The following DLX6 variants were observed in gnomAD, a reference collection of about 807,000 sequenced individuals.
DLX6 encodes the protein homeobox protein DLX-6.
A neutral mutation model predicts 33.5 loss-of-function variants in DLX6; 4 were observed. That is an observed-to-expected ratio of 0.12 (90% confidence interval 0.06 to 0.27). DLX6 has a LOEUF of 0.27. Among genes scored for constraint, DLX6 ranks in the 10% least tolerant of loss-of-function variants. The pLI, the probability that DLX6 is intolerant of heterozygous loss-of-function variation, is 1.00. For missense variants in DLX6, 382 were observed against 393.3 expected, an observed-to-expected ratio of 0.97 and a Z score of 0.24; for synonymous variants, 184 against 164.8, an observed-to-expected ratio of 1.12 and a Z score of -0.89.
In DLX6 at chr7:97,011,001, GTCT is replaced by G. The variant is rs887308558; in HGVS notation, c.*959_*961del. The G allele has an allele frequency of 6.6e-6, 1 of 152,362 alleles. No individual in the cohort carries two copies. The highest frequency in any genetic ancestry group is 2.4e-5 in the African/African-American group (1 of 41,362). 9.4% of individuals were successfully genotyped at this position (152,362 alleles called of 1,614,324 possible). Reference sequence around the variant, plus strand: ...TTGTACATATACTTTGTATGTTTTTGTCTTCTTTCATATATGGAGTAAAAGCCA... The same window carrying G: ...TTGTACATATACTTTGTATGTTTTTGTCTTTCATATATGGAGTAAAAGCCA... On this transcript the variant is annotated 3_prime_UTR_variant, in exon 3 of 3. Transcript: ENST00000518156.
chr7:97,008,668 T>C (rs189146675), intron 2 of DLX6, among the ~76,000 whole-genome samples: 1 of 152,336 alleles, frequency 6.6e-6, no homozygotes, highest in East Asian at 1.9e-4. Flanking sequence ...TTTTGTTGAT[T>C]AATTTACCTA....
rs1419441049 is a variant in DLX6 at position 97,006,216 on chromosome 7, C to T, written c.239C>T (p.Ala80Val). 3 of 1,508,382 alleles carry T rather than the reference C, an allele frequency of 2.0e-6. No individual in the cohort carries two copies. The highest frequency in any genetic ancestry group is 2.9e-5 in the African/African-American group (2 of 70,096). The allele number at this position is 1,508,382 out of a possible 1,614,324, so 93.4% of individuals were successfully genotyped here. ...PLHCLHSAAA[A>V]AAAGSHHHHH... ...CACTGCCTGCACTCGGCGGCGGCGGCGGCAGCGGCCGGCTCGCACCACCAC... is the reference window on the plus strand; with the variant it reads ...CACTGCCTGCACTCGGCGGCGGCGGTGGCAGCGGCCGGCTCGCACCACCAC... The change falls in exon 1 of 3, where the codon GCG becomes GTG. Residue 80 changes from alanine (A) to valine (V), a missense_variant. Coordinates refer to ENST00000518156, the MANE Select transcript of DLX6 (RefSeq NM_005222.4).
At position 97,006,051 on chromosome 7, in the gene DLX6, G is replaced by GGCA. The variant is rs530625473; in HGVS notation, c.96_98dup (p.Gln44dup). On this transcript the variant is annotated inframe_insertion, in exon 1 of 3. Coordinates refer to ENST00000518156, the MANE Select transcript of DLX6 (RefSeq NM_005222.4). Reference sequence around the variant, plus strand: ...TCCAAATCCGCCTTCATGGAGTTCGGGCAGCAGCAGCAGCAGCAGCAGCAA... The same window carrying GGCA: ...TCCAAATCCGCCTTCATGGAGTTCGGGCAGCAGCAGCAGCAGCAGCAGCAGCAA... 1,587 of 1,582,026 alleles carry GGCA rather than the reference G, an allele frequency of 1.0e-3. 3 individuals carry two copies. Among genetic ancestry groups the GGCA allele is most frequent in the African/African-American group, 4.9e-3 (361 of 73,800 alleles).
In DLX6 at chr7:97,005,926, G is replaced by A; in HGVS notation, c.-52G>A. 1.4e-6 allele frequency: 2 copies of A among 1,479,522 alleles called. No homozygotes were observed. The highest frequency in any genetic ancestry group is 9.1e-7 in the Non-Finnish European group (1 of 1,103,558). 91.6% of individuals were successfully genotyped at this position (1,479,522 alleles called of 1,614,324 possible). On this transcript the variant is annotated 5_prime_UTR_variant, in exon 1 of 3. Coordinates refer to ENST00000518156, the MANE Select transcript of DLX6 (RefSeq NM_005222.4). Reference sequence around the variant, plus strand: ...GGGAGAGCGGCGCGAGCCAAGTGGGGGAGGGTGGAGGAAACCCGGGAGAAG... The same window carrying A: ...GGGAGAGCGGCGCGAGCCAAGTGGGAGAGGGTGGAGGAAACCCGGGAGAAG...
rs1202326895 is a variant in DLX6, at chr7:97,006,106, A to ACAG, written c.131_133dup (p.Gln44dup). 8.4e-5 allele frequency: 126 copies of ACAG among 1,495,922 alleles called. No individual in the cohort carries two copies. The highest frequency in any genetic ancestry group is 1.1e-4 in the Non-Finnish European group (123 of 1,101,638). The allele number at this position is 1,495,922 out of a possible 1,614,324, so 92.7% of individuals were successfully genotyped here. On this transcript the variant is annotated inframe_insertion, in exon 1 of 3. Coordinates refer to ENST00000518156, the MANE Select transcript of DLX6 (RefSeq NM_005222.4). ...AGCAGCAGCAGCAGCAGCAACAGCA[A>ACAG]CAGCCGCCGCCGCCGCCGCCGCCGC...
chr7:97,010,083 C>T lies in DLX6; in HGVS notation c.*36C>T. 6.4e-7 allele frequency: 1 copy of T among 1,557,408 alleles called. No individual in the cohort carries two copies. Among genetic ancestry groups the T allele is most frequent in the East Asian group, 2.4e-5 (1 of 41,518 alleles). ...GGAACACCCTAGGGAAACGTCTGAA[C>T]AAGGAAAAGAGGATCCGGGACCTGC... On this transcript the variant is annotated 3_prime_UTR_variant, in exon 3 of 3. Coordinates refer to ENST00000518156, the MANE Select transcript of DLX6 (RefSeq NM_005222.4).
chr7:97,009,540 C>A (rs769825175), intron 2 of DLX6, among the ~76,000 whole-genome samples: 54 of 152,086 alleles, frequency 3.6e-4, no homozygotes, highest in Non-Finnish European at 6.2e-4. Context: ...TTGTTTTAAA[C>A]CTACGCTAGC....
chr7:97,007,586 A>G (rs767598827), intron 1 of DLX6, 52 bp from the exon 2 acceptor site: 3 of 1,520,876 alleles, frequency 2.0e-6, no homozygotes, highest in Non-Finnish European at 2.7e-6. Context: ...GAGCAGGGAG[A>G]TGGCAGCAGT....
chr7:97,010,513 T>G lies in DLX6; in HGVS notation c.*466T>G, dbSNP rs1789823956. On this transcript the variant is annotated 3_prime_UTR_variant, in exon 3 of 3. Coordinates refer to ENST00000518156, the MANE Select transcript of DLX6 (RefSeq NM_005222.4). Reference sequence around the variant, plus strand: ...AAAATGACTTTTTTTAAAAACAGATTTTCCCCCAACCAGAAGAATCTGCAC... The same window carrying G: ...AAAATGACTTTTTTTAAAAACAGATGTTCCCCCAACCAGAAGAATCTGCAC... 6.5e-6 allele frequency: 1 copy of G among 154,478 alleles called. No homozygotes were observed. 9.6% of individuals were successfully genotyped at this position (154,478 alleles called of 1,614,324 possible). A position where few individuals can be genotyped will look rare whatever the true frequency, so the allele number is the denominator to read the frequency against.
At chr7:97,007,335 G>C (rs945883474) in intron 1 of DLX6, 1 of 591,048 alleles carries the variant, frequency 1.7e-6, no homozygotes, top group East Asian at 2.8e-5. Flanking sequence ...GCTGCGCTGC[G>C]CACCCCAGAG....
rs1372078717 is a variant in DLX6, at chr7:97,005,731, T to A, written c.-247T>A. 2 of 212,922 alleles carry A rather than the reference T, an allele frequency of 9.4e-6. No individual in the cohort carries two copies. The highest frequency in any genetic ancestry group is 4.7e-5 in the African/African-American group (2 of 42,714). 13.2% of individuals were successfully genotyped at this position (212,922 alleles called of 1,614,324 possible). ...CTCTCCCATCCCTCCTCCTTCCTCC[T>A]CCCTTTGAGTTAACAAGGCCCCGCT... On this transcript the variant is annotated 5_prime_UTR_variant, in exon 1 of 3. Coordinates refer to ENST00000518156, the MANE Select transcript of DLX6 (RefSeq NM_005222.4).
rs1290592983 is a variant in DLX6, at chr7:97,006,141, C to A, written c.164C>A (p.Pro55Gln). The A allele has an allele frequency of 4.7e-6, 7 of 1,484,044 alleles. No homozygotes were observed. Among genetic ancestry groups the A allele is most frequent in the Non-Finnish European group, 4.6e-6 (5 of 1,088,594 alleles). 91.9% of individuals were successfully genotyped at this position (1,484,044 alleles called of 1,614,324 possible). A position where few individuals can be genotyped will look rare whatever the true frequency, so the allele number is the denominator to read the frequency against. The change falls in exon 1 of 3, where the codon CCG (proline) becomes CAG (glutamine). Residue 55 changes from proline to glutamine, a missense_variant. Physicochemically the swap from Pro to Gln is moderately conservative, Grantham distance 76 (BLOSUM62 -1). This residue lies in a region of DLX6 where 257 missense variants were observed against 206.9 expected (regional missense o/e 1.24). Transcript: ENST00000518156. ...PPPPPPPPPQ[P>Q]HSQQSSPAMA... ...CCGCCGCCGCCGCCGCCGCCGCAGC[C>A]GCACTCGCAGCAGAGCTCCCCGGCC... is the stretch of plus-strand genomic sequence containing the variant.
At position 97,009,963 on chromosome 7, in the gene DLX6, G is replaced by C. The variant is rs1284801335; in HGVS notation, c.798G>C (p.Met266Ile). Reference protein sequence around the residue: ...DVSASAKGVSMPPNSYMPGYS... With the variant: ...DVSASAKGVSIPPNSYMPGYS... Reference sequence around the variant, plus strand: ...CTGCCTCGGCCAAGGGTGTCAGTATGCCCCCCAACAGCTACATGCCTGGCT... The same window carrying C: ...CTGCCTCGGCCAAGGGTGTCAGTATCCCCCCCAACAGCTACATGCCTGGCT... The change falls in exon 3 of 3, where the codon ATG becomes ATC. Residue 266 changes from methionine to isoleucine, a missense_variant. By Grantham distance (10) the Met-to-Ile change is conservative. Transcript: ENST00000518156. 1.2e-6 allele frequency: 2 copies of C among 1,613,490 alleles called. No individual in the cohort carries two copies. Among genetic ancestry groups the C allele is most frequent in the Non-Finnish European group, 1.7e-6 (2 of 1,179,740 alleles).
chr7:97,007,955 C>T, intron 2 of DLX6, 124 bp downstream of exon 2: 1 of 981,042 alleles, frequency 1.0e-6, no homozygotes, highest in Non-Finnish European at 1.5e-6. Flanking sequence ...ATGACAAATG[C>T]CTTTTGCTCC....
Position 97,006,343 on chromosome 7 carries a change from G to C in DLX6, c.366G>C (p.Ser122=). 4 of 1,507,766 alleles carry C rather than the reference G, an allele frequency of 2.7e-6. No individual in the cohort carries two copies. The highest frequency in any genetic ancestry group is 3.6e-6 in the Non-Finnish European group (4 of 1,124,494). The allele number at this position is 1,507,766 out of a possible 1,614,324, so 93.4% of individuals were successfully genotyped here. The part of the protein sequence containing the change: ...SLAAYPYMSH[S]QHSPYLQSYH... ...CCGCCTACCCCTACATGAGCCACTC[G>C]CAGCACAGCCCTTACCTCCAGTCCT... Residue 122 remains serine, a synonymous_variant, in exon 1 of 3, where the codon TCG becomes TCC. Coordinates refer to ENST00000518156, the MANE Select transcript of DLX6 (RefSeq NM_005222.4).
chr7:97,006,366 C>G lies in DLX6; in HGVS notation c.389C>G (p.Ser130Cys). Residue 130 changes from serine (S) to cysteine (C), a missense_variant, in exon 1 of 3, where the codon TCC (serine) becomes TGC (cysteine). Ser to Cys is a moderately radical substitution (Grantham distance 112). This residue lies in a region of DLX6 where 257 missense variants were observed against 206.9 expected (regional missense o/e 1.24). Coordinates refer to ENST00000518156, the MANE Select transcript of DLX6 (RefSeq NM_005222.4). ...TCGCAGCACAGCCCTTACCTCCAGT[C>G]CTACCACAACAGCAGCGCAGCCGCC... Reference protein sequence around the residue: ...SHSQHSPYLQSYHNSSAAAQT... With the variant: ...SHSQHSPYLQCYHNSSAAAQT... 2 of 1,469,342 alleles carry G rather than the reference C, an allele frequency of 1.4e-6. No homozygotes were observed. The highest frequency in any genetic ancestry group is 1.8e-6 in the Non-Finnish European group (2 of 1,102,072). 91.0% of individuals were successfully genotyped at this position (1,469,342 alleles called of 1,614,324 possible). A position where few individuals can be genotyped will look rare whatever the true frequency, so the allele number is the denominator to read the frequency against.
chr7:97,009,738 G>T, intron 2 of DLX6, 58 bp from the exon 3 acceptor site: 1 of 1,562,346 alleles, frequency 6.4e-7, no homozygotes, highest in South Asian at 1.2e-5. Context: ...ATCCCTGAGT[G>T]ACGTTAGAGG....
In DLX6 at chr7:97,005,800, A is replaced by AGC. The variant is rs1789695211; in HGVS notation, c.-176_-175dup. The AGC allele has an allele frequency of 2.1e-6, 1 of 468,820 alleles. No individual in the cohort carries two copies. The highest frequency in any genetic ancestry group is 2.0e-5 in the African/African-American group (1 of 48,918). The allele number at this position is 468,820 out of a possible 1,614,324, so 29.0% of individuals were successfully genotyped here. A position where few individuals can be genotyped will look rare whatever the true frequency, so the allele number is the denominator to read the frequency against. ...TAAATATATATATATATTAGAGAAG[A>AGC]GCGAGGGAGAGGGAGAACCACCTCC... On this transcript the variant is annotated 5_prime_UTR_variant, in exon 1 of 3. Transcript: ENST00000518156.
At position 97,009,944 on chromosome 7, in the gene DLX6, C is replaced by G; in HGVS notation, c.779C>G (p.Ser260Trp). Residue 260 changes from serine (S) to tryptophan (W), a missense_variant, in exon 3 of 3, where the codon TCG (serine) becomes TGG (tryptophan). Ser to Trp is a radical substitution (Grantham distance 177). This residue lies in a region of DLX6 where 96 missense variants were observed against 93.3 expected (regional missense o/e 1.03). Coordinates refer to ENST00000518156, the MANE Select transcript of DLX6 (RefSeq NM_005222.4). ...ALPPVWDVSA[S>W]AKGVSMPPNS... ...CCTCCAGTCTGGGACGTTTCTGCCTCGGCCAAGGGTGTCAGTATGCCCCCC... is the reference window on the plus strand; with the variant it reads ...CCTCCAGTCTGGGACGTTTCTGCCTGGGCCAAGGGTGTCAGTATGCCCCCC... 1 of 1,613,902 alleles carries G rather than the reference C, an allele frequency of 6.2e-7. No individual in the cohort carries two copies. The highest frequency in any genetic ancestry group is 1.3e-5 in the African/African-American group (1 of 75,056).
Sources: allele counts gnomAD v4.1 joint callset (sites outside exome capture counted in the v4.1 genomes callset), GRCh38; gene constraint gnomAD v4.1.1; regional missense constraint gnomAD v4.1.1; transcripts MANE v1.5; gene names NCBI Gene and HGNC (gene_info 2026-07-23, HGNC 2026-07-21).